The following SARS2 variants were observed in gnomAD, a reference collection of about 807,000 sequenced individuals.
SARS2 encodes the protein seryl-tRNA synthetase 2, mitochondrial, also known as serine--tRNA ligase, mitochondrial.
SARS2 carries 52 observed loss-of-function variants against 66.8 expected under a neutral mutation model. The observed-to-expected ratio is 0.78, with a 90% CI of 0.62 to 0.98. SARS2 has a LOEUF of 0.98. Among genes scored for constraint, SARS2 ranks in the 50% least tolerant of loss-of-function variants. SARS2 has a pLI of 0.00. For synonymous variants in SARS2, 306 were observed against 281.4 expected, an observed-to-expected ratio of 1.09 and a Z score of -0.87; for missense variants, 673 against 706.3, an observed-to-expected ratio of 0.95 and a Z score of 0.53.
chr19:38,917,835 TGGGACAGA>T lies in SARS2; in HGVS notation c.1051-10_1051-3del. ...GCCTGTCACCCCAAACATCTCCACC[TGGGACAGA>T]GGGCACAGGAGTCAGGAGGCTCTGA... On this transcript the variant is annotated splice_polypyrimidine_tract_variant and splice_region_variant and intron_variant, in intron 11 of 15. Transcript: ENST00000221431. 1 of 1,613,946 alleles carries T rather than the reference TGGGACAGA, an allele frequency of 6.2e-7. No individual in the cohort carries two copies. The highest frequency in any genetic ancestry group is 8.5e-7 in the Non-Finnish European group (1 of 1,179,792).
intron 3 of SARS2, 61 bp from the exon 4 acceptor site, chr19:38,921,728 A>C: frequency 6.3e-7 from 1 of 1,599,612 alleles, no homozygotes; most frequent in Non-Finnish European, 8.5e-7. Context: ...ATCCAGTGTG[A>C]CCTTGATCCT....
intron 9 of SARS2, 90 bp from the exon 10 acceptor site, chr19:38,918,229 A>T: frequency 7.1e-7 from 1 of 1,402,244 alleles, no homozygotes; most frequent in East Asian, 2.5e-5. Flanking sequence ...TGGTGGATGC[A>T]ACCCCAGGTC....
At chr19:38,925,495 G>T (rs1364070774) in intron 2 of SARS2, among the ~76,000 whole-genome samples, 1 of 152,068 alleles carries the variant, frequency 6.6e-6, no homozygotes, top group East Asian at 1.9e-4. Flanking sequence ...AGTGTGGTGG[G>T]GGTCTGGGCC....
intron 1 of SARS2, chr19:38,928,251 A>T (rs1219324511): frequency 6.6e-6 from 1 of 152,096 alleles, no homozygotes; most frequent in Non-Finnish European, 1.5e-5. Flanking sequence ...GGTGGTGCAC[A>T]ACTATAACCC....
At chr19:38,918,263 T>A in intron 9 of SARS2, 124 bp from the exon 10 acceptor site, 1 of 1,174,032 alleles carries the variant, frequency 8.5e-7, no homozygotes, top group Non-Finnish European at 1.2e-6. Flanking sequence ...GGATTATCAC[T>A]GTACTGCTGT....
chr19:38,916,203 CAGCGGCACAGGGCTCACCTCTCCAA>C lies in SARS2; in HGVS notation c.1247_1254+17del, dbSNP rs1974413419. On this transcript the variant is annotated splice_donor_variant and splice_donor_5th_base_variant and coding_sequence_variant and intron_variant, in exon 13 of 16. Coordinates refer to ENST00000221431, the MANE Select transcript of SARS2 (RefSeq NM_017827.4). LOFTEE classifies it high-confidence loss of function. ...CCTGTCCTCCTGCCCACCCCGTCCC[CAGCGGCACAGGGCTCACCTCTCCAA>C]AGCGGCCTCGGCCTGGCATCCAGGC... The C allele has an allele frequency of 6.2e-7, 1 of 1,613,638 alleles. No homozygotes were observed. The highest frequency in any genetic ancestry group is 1.3e-5 in the African/African-American group (1 of 75,032).
rs1446575888 is a variant in SARS2 at position 38,921,426 on chromosome 19, C to G, written c.555G>C (p.Gln185His). The G allele has an allele frequency of 6.2e-7, 1 of 1,613,980 alleles. No individual in the cohort carries two copies. The highest frequency in any genetic ancestry group is 1.1e-5 in the South Asian group (1 of 91,072). The change falls in exon 5 of 16, where the codon CAG becomes CAC. Residue 185 changes from glutamine (Q) to histidine (H), a missense_variant. Coordinates refer to ENST00000221431, the MANE Select transcript of SARS2 (RefSeq NM_017827.4). ...CTCCGACCATGTGGAGCACTCGAGC[C>G]TGGCTCTCATCCCCGACGGGCTGCA... Reference protein sequence around the residue: ...HPDVPVGDESQARVLHMVGDK... With the variant: ...HPDVPVGDESHARVLHMVGDK...
intron 2 of SARS2, among the ~76,000 whole-genome samples, chr19:38,924,504 A>G (rs1341350403): frequency 6.6e-6 from 1 of 152,146 alleles, no homozygotes; most frequent in East Asian, 1.9e-4. Flanking sequence ...TGATGTAGAC[A>G]GCCCGAGGCT....
At chr19:38,920,807 A>T (rs1283926870) in intron 5 of SARS2, among the ~76,000 whole-genome samples, 1 of 152,058 alleles carries the variant, frequency 6.6e-6, no homozygotes, top group Non-Finnish European at 1.5e-5. Context: ...ACACACAGAC[A>T]CACAGAGACA....
chr19:38,930,738 T>G lies in SARS2; in HGVS notation c.-2A>C. ...GCGCCGCGCCATGGACGCAGCCATC[T>G]TGGACCGGGAACAAGGCGGCACTTC... On this transcript the variant is annotated 5_prime_UTR_variant, in exon 1 of 16. Coordinates refer to ENST00000221431, the MANE Select transcript of SARS2 (RefSeq NM_017827.4). 2 of 1,613,074 alleles carry G rather than the reference T, an allele frequency of 1.2e-6. No individual in the cohort carries two copies. The highest frequency in any genetic ancestry group is 1.7e-6 in the Non-Finnish European group (2 of 1,180,018).
Position 38,918,048 on chromosome 19 carries a change from C to G in SARS2, c.963-40G>C, listed in dbSNP as rs4803034. ...GGAAAGTCGGGTCAAGGAGGGAAGA[C>G]TGATTGTCACAGGTGGGGTCAAGGT... On this transcript the variant is annotated intron_variant, in intron 10 of 15. Coordinates refer to ENST00000221431, the MANE Select transcript of SARS2 (RefSeq NM_017827.4). 1,046,706 of 1,600,760 alleles carry G rather than the reference C, an allele frequency of 0.65. 348,956 individuals are homozygous for G. Among genetic ancestry groups the G allele is most frequent in the East Asian group, 0.97 (43,324 of 44,466 alleles).
intron 2 of SARS2, among the ~76,000 whole-genome samples, chr19:38,924,783 C>T (rs758512983): frequency 6.6e-6 from 1 of 152,160 alleles, no homozygotes; most frequent in Non-Finnish European, 1.5e-5. Context: ...GCTGGGACTA[C>T]AAGTGCGTAC....
chr19:38,919,649 G>A (rs565563375), intron 7 of SARS2, 113 bp downstream of exon 7: 2 of 819,698 alleles, frequency 2.4e-6, no homozygotes, highest in South Asian at 1.4e-5. Flanking sequence ...TACACATGAA[G>A]CTCTGAGAGC....
Position 38,915,799 on chromosome 19 carries a change from G to T in SARS2, c.1413+42C>A, listed in dbSNP as rs200161472. ...CACTGCAGATGCCCCAGCCCTCCCCGGCGCTGAGCTGCCTCTCTGGGTGGG... is the reference window on the plus strand; with the variant it reads ...CACTGCAGATGCCCCAGCCCTCCCCTGCGCTGAGCTGCCTCTCTGGGTGGG... On this transcript the variant is annotated intron_variant, in intron 15 of 15. Transcript: ENST00000221431. 3.7e-6 allele frequency: 6 copies of T among 1,612,804 alleles called. 1 individual carries two copies. The South Asian group carries it at 5.5e-5, about 15-fold the overall frequency.
chr19:38,927,529 G>A (rs1365693122), intron 1 of SARS2, among the ~76,000 whole-genome samples: 4 of 151,352 alleles, frequency 2.6e-5, no homozygotes, highest in South Asian at 4.2e-4. Context: ...CATGAGCCAA[G>A]ATCATGCCAC....
Position 38,926,186 on chromosome 19 carries a change from C to T in SARS2, c.363+19G>A, listed in dbSNP as rs1568428155. The T allele has an allele frequency of 6.3e-7, 1 of 1,599,450 alleles. No homozygotes were observed. The highest frequency in any genetic ancestry group is 8.5e-7 in the Non-Finnish European group (1 of 1,175,286). ...CACCCTCGTGGCCACTCCCCACCTA[C>T]TCAGGGCACCATGCTCACCAGCAGG... On this transcript the variant is annotated intron_variant, in intron 2 of 15. Transcript: ENST00000221431.
At chr19:38,930,448 C>G (rs200958074) in intron 1 of SARS2, 22 bp downstream of exon 1, 3 of 1,580,916 alleles carry the variant, frequency 1.9e-6, no homozygotes, top group African/African-American at 1.3e-5. Flanking sequence ...CTGCGCCCCC[C>G]GGCCGGCGCA....
rs1568431143 is a variant in SARS2, at chr19:38,930,695, A to G, written c.42T>C (p.Thr14=). 6.2e-7 allele frequency: 1 copy of G among 1,613,958 alleles called. No individual in the cohort carries two copies. Residue 14 remains threonine, a synonymous_variant, in exon 1 of 16, where the codon ACT becomes ACC. Coordinates refer to ENST00000221431, the MANE Select transcript of SARS2 (RefSeq NM_017827.4). ...CTCCCCGGGGCCGGAACCCCCGACGAGTCAGCAAAGGCCACAAGCGCCGCG... is the reference window on the plus strand; with the variant it reads ...CTCCCCGGGGCCGGAACCCCCGACGGGTCAGCAAAGGCCACAAGCGCCGCG... ...SMARRLWPLL[T]RRGFRPRGGC...
intron 5 of SARS2, among the ~76,000 whole-genome samples, chr19:38,920,966 T>C (rs60286950): frequency 0.64 from 80,235 of 126,266 alleles, 22,468 homozygotes; most frequent in East Asian, 0.75. Flanking sequence ...CAGACACAGA[T>C]ACAGACACAC....
Sources: gnomAD v4.1 joint callset for allele counts (sites outside exome capture counted in the v4.1 genomes callset) on GRCh38, gnomAD v4.1.1 for gene constraint, MANE v1.5 for transcripts, NCBI Gene and HGNC (gene_info 2026-07-23, HGNC 2026-07-21) for gene names.